The following RERG variants were observed in gnomAD, a reference collection of about 807,000 sequenced individuals.
RERG encodes the protein ras-related and estrogen-regulated growth inhibitor.
In RERG, 25 loss-of-function variants were observed where a neutral mutation model predicts 23.2. The ratio of observed to expected loss-of-function variants is 1.08; its 90% CI spans 0.79 to 1.50. The LOEUF (loss-of-function observed/expected upper bound fraction) is 1.50. RERG is among the 40% of genes most tolerant of loss of function. The pLI, the probability that RERG is intolerant of heterozygous loss-of-function variation, is 0.00. For missense variants in RERG, 253 were observed against 250.1 expected, an observed-to-expected ratio of 1.01 and a Z score of -0.08; for synonymous variants, 81 against 89.1, an observed-to-expected ratio of 0.91 and a Z score of 0.51.
chr12:15,133,844 T>C (rs1325264026), intron 2 of RERG, among the ~76,000 whole-genome samples: 1 of 151,524 alleles, frequency 6.6e-6, no homozygotes, highest in Non-Finnish European at 1.5e-5. Context: ...TTGCAATTCC[T>C]AAATGATACA....
intron 2 of RERG, among the ~76,000 whole-genome samples, chr12:15,170,416 A>G (rs1165226419): frequency 6.6e-6 from 1 of 152,166 alleles, no homozygotes; most frequent in African/African-American, 2.4e-5. Context: ...CCCTGAACCT[A>G]AAACTGTCCT....
At chr12:15,180,373 T>C (rs982037971) in intron 2 of RERG, among the ~76,000 whole-genome samples, 2 of 152,112 alleles carry the variant, frequency 1.3e-5, no homozygotes, top group Non-Finnish European at 2.9e-5. Flanking sequence ...CACAAACCAG[T>C]AGACAGTTTC....
At chr12:15,139,354 C>A (rs1303101367) in intron 2 of RERG, among the ~76,000 whole-genome samples, 2 of 152,008 alleles carry the variant, frequency 1.3e-5, no homozygotes, top group Admixed American at 1.3e-4. Context: ...TTGATATCTA[C>A]AAAATCAGTT....
chr12:15,169,690 TCCCTAGAGAACCC>T (rs1864749504), intron 2 of RERG, among the ~76,000 whole-genome samples: 1 of 152,192 alleles, frequency 6.6e-6, no homozygotes, highest in South Asian at 2.1e-4. Flanking sequence ...TGGTTCTGTT[TCCCTAGAGAACCC>T]TAATACAAAG....
intron 2 of RERG, among the ~76,000 whole-genome samples, chr12:15,196,652 A>G (rs1208916342): frequency 1.3e-5 from 2 of 152,186 alleles, no homozygotes; most frequent in Non-Finnish European, 2.9e-5. Context: ...TACACTAAAA[A>G]TGAAACACAT....
At chr12:15,193,964 C>A (rs1428565751) in intron 2 of RERG, among the ~76,000 whole-genome samples, 1 of 152,032 alleles carries the variant, frequency 6.6e-6, no homozygotes, top group Non-Finnish European at 1.5e-5. Context: ...TCTTTTTATT[C>A]TTACTTTCCC....
In RERG at chr12:15,109,430, C is replaced by T. The variant is rs764601537; in HGVS notation, c.280G>A (p.Glu94Lys). 185 of 1,613,892 alleles carry T rather than the reference C, an allele frequency of 1.1e-4. No individual in the cohort carries two copies. Among genetic ancestry groups the T allele is most frequent in the Non-Finnish European group, 1.5e-4 (177 of 1,179,982 alleles). ...YDITDRGSFE[E>K]VLPLKNILDE... ...AGGATGTTCTTAAGTGGCAGCACTT[C>T]CTCAAAACTTCCTCGGTCAGTAATG... Residue 94 changes from glutamate to lysine, a missense_variant, in exon 5 of 5, where the codon GAA (glutamate) becomes AAA (lysine). Coordinates refer to ENST00000256953, the MANE Select transcript of RERG (RefSeq NM_032918.3).
intron 2 of RERG, among the ~76,000 whole-genome samples, chr12:15,181,076 T>G (rs1011566834): frequency 1.3e-5 from 2 of 151,930 alleles, no homozygotes; most frequent in Non-Finnish European, 2.9e-5. Flanking sequence ...CAGACATCAA[T>G]AGCTTTAAAA....
chr12:15,217,562 G>T lies in RERG; in HGVS notation c.-73C>A. 1 of 1,034,728 alleles carries T rather than the reference G, an allele frequency of 9.7e-7. No homozygotes were observed. The highest frequency in any genetic ancestry group is 1.5e-6 in the Non-Finnish European group (1 of 653,246). 64.1% of individuals were successfully genotyped at this position (1,034,728 alleles called of 1,614,324 possible). A position where few individuals can be genotyped will look rare whatever the true frequency, so the allele number is the denominator to read the frequency against. ...GTAAATCTTTTTGGTTCCAGTCTTT[G>T]GATTCACCATATCATTGTGAATCTT... On this transcript the variant is annotated 5_prime_UTR_variant, in exon 2 of 5. Coordinates refer to ENST00000256953, the MANE Select transcript of RERG (RefSeq NM_032918.3).
intron 2 of RERG, among the ~76,000 whole-genome samples, chr12:15,176,187 G>A (rs1434400625): frequency 6.6e-6 from 1 of 152,084 alleles, no homozygotes; most frequent in East Asian, 1.9e-4. Context: ...GGAAAACAAA[G>A]TTTAATTGAA....
At chr12:15,167,167 G>T (rs923241127) in intron 2 of RERG, among the ~76,000 whole-genome samples, 1 of 152,170 alleles carries the variant, frequency 6.6e-6, no homozygotes, top group Non-Finnish European at 1.5e-5. Context: ...AATTAAGCCT[G>T]CCTGGAGGCC....
At chr12:15,117,706 C>G (rs1173693155) in intron 3 of RERG, among the ~76,000 whole-genome samples, 1 of 150,820 alleles carries the variant, frequency 6.6e-6, no homozygotes, top group Non-Finnish European at 1.5e-5. Flanking sequence ...CACACACACA[C>G]AGTCACAGGC....
intron 2 of RERG, 62 bp from the exon 3 acceptor site, chr12:15,121,181 T>C: frequency 7.6e-7 from 1 of 1,308,840 alleles, no homozygotes; most frequent in East Asian, 2.4e-5. Flanking sequence ...CACACCTATC[T>C]TTTTAAGGAA....
At chr12:15,162,901 C>T (rs182352679) in intron 2 of RERG, among the ~76,000 whole-genome samples, 9 of 152,236 alleles carry the variant, frequency 5.9e-5, no homozygotes, top group African/African-American at 1.9e-4. Flanking sequence ...CCTTAGAGTC[C>T]TATAACATAC....
At chr12:15,165,122 G>A (rs1009502610) in intron 2 of RERG, among the ~76,000 whole-genome samples, 1 of 152,130 alleles carries the variant, frequency 6.6e-6, no homozygotes, top group African/African-American at 2.4e-5. Context: ...TGCCTTGTCC[G>A]TGTGGCACTT....
chr12:15,205,404 T>A lies in RERG; in HGVS notation c.61+12025A>T, dbSNP rs921451919. Among the ~76,000 whole-genome samples, 8 of 152,056 alleles carry A rather than the reference T, an allele frequency of 5.3e-5. No individual in the cohort carries two copies. In the South Asian group the frequency reaches 6.2e-4, roughly 12 times the overall value. On this transcript the variant is annotated intron_variant, in intron 2 of 4. Transcript: ENST00000256953. ...TTGGGACCTGAAGATTCACATGTACTGTGTTCCTGATTTTACCTCTTTTGG... is the reference window on the plus strand; with the variant it reads ...TTGGGACCTGAAGATTCACATGTACAGTGTTCCTGATTTTACCTCTTTTGG...
At chr12:15,190,646 CAAG>C (rs1046763477) in intron 2 of RERG, among the ~76,000 whole-genome samples, 1 of 151,880 alleles carries the variant, frequency 6.6e-6, no homozygotes, top group Non-Finnish European at 1.5e-5. Context: ...TAGGCAAAAA[CAAG>C]AAGAAAGCCC....
At chr12:15,128,046 T>C (rs904622725) in intron 2 of RERG, among the ~76,000 whole-genome samples, 4 of 152,252 alleles carry the variant, frequency 2.6e-5, no homozygotes, top group African/African-American at 9.6e-5. Flanking sequence ...TTTTCCAATA[T>C]ACAATACTTT....
At chr12:15,170,438 GC>G (rs1864761634) in intron 2 of RERG, among the ~76,000 whole-genome samples, 9 of 151,948 alleles carry the variant, frequency 5.9e-5, no homozygotes, top group African/African-American at 2.2e-4. Context: ...AAAATAGAGT[GC>G]TTTTTTAAAA....
Sources: gnomAD v4.1 joint callset for allele counts (sites outside exome capture counted in the v4.1 genomes callset) on GRCh38, gnomAD v4.1.1 for gene constraint, MANE v1.5 for transcripts, NCBI Gene and HGNC (gene_info 2026-07-23, HGNC 2026-07-21) for gene names.